MDFI: variants seen among roughly 807,000 people sequenced by gnomAD.
MDFI encodes the protein inhibitor of MyoD family a.
In MDFI, 16 loss-of-function variants were observed where a neutral mutation model predicts 22.3. The observed-to-expected ratio is 0.72, with a 90% CI of 0.49 to 1.09. The LOEUF (loss-of-function observed/expected upper bound fraction) is 1.09. Among genes scored for constraint, MDFI ranks in the 50% least tolerant of loss-of-function variants. The pLI, the probability that MDFI is intolerant of heterozygous loss-of-function variation, is 0.00. For synonymous variants in MDFI, 145 were observed against 142.7 expected, an observed-to-expected ratio of 1.02 and a Z score of -0.12; for missense variants, 314 against 326.1, an observed-to-expected ratio of 0.96 and a Z score of 0.29.
intron 2 of MDFI, among the ~76,000 whole-genome samples, chr6:41,643,741 G>A (rs1767947584): frequency 6.6e-6 from 1 of 151,764 alleles, no homozygotes. Flanking sequence ...TGAAAGGCTC[G>A]TGAACAACCC....
At chr6:41,642,536 C>T (rs1047831662) in intron 2 of MDFI, among the ~76,000 whole-genome samples, 2 of 152,164 alleles carry the variant, frequency 1.3e-5, no homozygotes, top group East Asian at 3.9e-4. Flanking sequence ...CTGGGCCACC[C>T]GGGCAGTGTC....
intron 2 of MDFI, among the ~76,000 whole-genome samples, chr6:41,642,678 G>A (rs1218504365): frequency 6.6e-6 from 1 of 152,180 alleles, no homozygotes; most frequent in Non-Finnish European, 1.5e-5. Context: ...GGCCCCTCCT[G>A]GCTCCAGAGG....
chr6:41,642,017 T>C (rs577793389), intron 2 of MDFI, among the ~76,000 whole-genome samples: 5 of 152,298 alleles, frequency 3.3e-5, no homozygotes, highest in South Asian at 2.1e-4. Context: ...TCCAGGCATT[T>C]ACCAGAATCT....
chr6:41,652,480 C>T (rs930725214), intron 4 of MDFI, among the ~76,000 whole-genome samples: 10 of 151,974 alleles, frequency 6.6e-5, no homozygotes, highest in Admixed American at 5.2e-4. Flanking sequence ...CCTCTGGCTG[C>T]GGTGTGGAGT....
intron 3 of MDFI, 117 bp from the exon 4 acceptor site, chr6:41,649,502 G>T (rs1768176668): frequency 4.4e-6 from 4 of 908,672 alleles, no homozygotes; most frequent in Non-Finnish European, 6.8e-6. Context: ...CAGGATACAG[G>T]TCTGGCTGGG....
intron 2 of MDFI, chr6:41,639,994 C>G (rs2127425752): frequency 2.2e-6 from 2 of 895,818 alleles, no homozygotes; most frequent in African/African-American, 3.6e-5. Context: ...GTCTGGCCAA[C>G]AGCCAGCACA....
At position 41,653,824 on chromosome 6, in the gene MDFI, G is replaced by T; in HGVS notation, c.*249G>T. 6 of 504,980 alleles carry T rather than the reference G, an allele frequency of 1.2e-5. No individual in the cohort carries two copies. Among genetic ancestry groups the T allele is most frequent in the East Asian group, 3.4e-5 (1 of 29,602 alleles). The allele number at this position is 504,980 out of a possible 1,614,324, so 31.3% of individuals were successfully genotyped here. A position where few individuals can be genotyped will look rare whatever the true frequency, so the allele number is the denominator to read the frequency against. ...CCTGAACTCTTTACTGGGTTACCAG[G>T]TTCATACATTGCTGAGGACCTGACA... On this transcript the variant is annotated 3_prime_UTR_variant, in exon 5 of 5. Transcript: ENST00000230321. This position sits in a 1 kb window ranked among gnomAD's most constrained non-coding sequence, Gnocchi z 4.2.
At chr6:41,645,028 A>C (rs1767995942) in intron 2 of MDFI, among the ~76,000 whole-genome samples, 1 of 150,210 alleles carries the variant, frequency 6.7e-6, no homozygotes, top group Non-Finnish European at 1.5e-5. Flanking sequence ...TGGCCTCTGC[A>C]TCTCTGAGTC....
At chr6:41,642,626 C>T (rs1195247122) in intron 2 of MDFI, among the ~76,000 whole-genome samples, 1 of 152,198 alleles carries the variant, frequency 6.6e-6, no homozygotes, top group African/African-American at 2.4e-5. Context: ...TGGCACAGCT[C>T]CCTCTTCTGC....
chr6:41,639,494 A>C, intron 2 of MDFI: 1 of 985,342 alleles, frequency 1.0e-6, no homozygotes, highest in Non-Finnish European at 1.2e-6. Flanking sequence ...CTCTCACGCC[A>C]AGTACGGTTT....
At chr6:41,643,576 AGGAG>A (rs1209257493) in intron 2 of MDFI, among the ~76,000 whole-genome samples, 215 of 73,420 alleles carry the variant, frequency 2.9e-3, no homozygotes, top group Non-Finnish European at 3.9e-3. Flanking sequence ...GAAGGAAGGA[AGGAG>A]GGAGGGAGGG....
At chr6:41,639,237 C>G in intron 2 of MDFI, 3 of 985,382 alleles carry the variant, frequency 3.0e-6, no homozygotes, top group Non-Finnish European at 3.6e-6. Context: ...TTCCCTTCCC[C>G]CAGCCCAACC....
At position 41,651,277 on chromosome 6, in the gene MDFI, C is replaced by T. The variant is rs1007503309; in HGVS notation, c.484+1434C>T. 2.0e-5 allele frequency among the ~76,000 whole-genome samples: 3 copies of T among 149,428 alleles called. 1 individual carries two copies. The highest frequency in any genetic ancestry group is 4.5e-5 in the Non-Finnish European group (3 of 67,370). ...CTCATGAGAGACGTAGATAGGTAAT[C>T]GCCATACGATGTGATAAGTGCAATG... On this transcript the variant is annotated intron_variant, in intron 4 of 4. Coordinates refer to ENST00000230321, the MANE Select transcript of MDFI (RefSeq NM_005586.4).
At chr6:41,652,517 G>A (rs1242555858) in intron 4 of MDFI, among the ~76,000 whole-genome samples, 1 of 152,140 alleles carries the variant, frequency 6.6e-6, no homozygotes, top group Non-Finnish European at 1.5e-5. Context: ...AGTGGTCAAA[G>A]GGAGACCAGT....
At chr6:41,639,621 A>C in intron 2 of MDFI, 1 of 985,346 alleles carries the variant, frequency 1.0e-6, no homozygotes, top group Non-Finnish European at 1.2e-6. Flanking sequence ...GGTCAAGGAG[A>C]AGTCAGGAAC....
intron 2 of MDFI, among the ~76,000 whole-genome samples, chr6:41,645,111 C>G (rs1767998542): frequency 6.6e-6 from 1 of 152,176 alleles, no homozygotes; most frequent in Non-Finnish European, 1.5e-5. Flanking sequence ...AGGCCACCCT[C>G]TTTAGACCCC....
intron 4 of MDFI, among the ~76,000 whole-genome samples, chr6:41,652,313 G>C (rs1018131835): frequency 9.9e-5 from 15 of 152,252 alleles, no homozygotes; most frequent in African/African-American, 3.6e-4. Context: ...TGGAGGAGAA[G>C]AGTGGGAGAA....
chr6:41,640,707 C>T (rs1188704147), intron 2 of MDFI, among the ~76,000 whole-genome samples: 1 of 152,216 alleles, frequency 6.6e-6, no homozygotes, highest in Admixed American at 6.5e-5. Context: ...GGGAGCAAGT[C>T]GGCCTCCTCC....
At chr6:41,639,300 C>CA in intron 2 of MDFI, 3 of 985,398 alleles carry the variant, frequency 3.0e-6, no homozygotes, top group Non-Finnish European at 3.6e-6. Context: ...CTGCAGGACC[C>CA]AGCCCCTCCC....
Sources: gnomAD v4.1 joint callset for allele counts (sites outside exome capture counted in the v4.1 genomes callset) on GRCh38, gnomAD v4.1.1 for gene constraint, Gnocchi (gnomAD v3.1) non-coding constraint, MANE v1.5 for transcripts, NCBI Gene and HGNC (gene_info 2026-07-23, HGNC 2026-07-21) for gene names.